Variants in SPG7 observed in about 807,000 individuals in gnomAD.
SPG7 encodes mitochondrial inner membrane m-AAA protease component paraplegin.
Under a neutral mutation model 81.9 loss-of-function variants are expected in SPG7, and 103 were observed. The observed-to-expected ratio is 1.26, with a 90% CI of 1.07 to 1.48. SPG7 has a LOEUF of 1.48. SPG7 is among the 40% of genes most tolerant of loss of function. SPG7 has a pLI of 0.00. For missense variants in SPG7, 1,241 were observed against 1,087.3 expected, an observed-to-expected ratio of 1.14 and a Z score of -1.99; for synonymous variants, 534 against 444.2, an observed-to-expected ratio of 1.20 and a Z score of -2.54.
chr16:89,512,133 G>C (rs1048822744), intron 2 of SPG7, among the ~76,000 whole-genome samples: 2 of 152,094 alleles, frequency 1.3e-5, no homozygotes, highest in African/African-American at 4.8e-5. Flanking sequence ...GGATGGTCTC[G>C]ATCTCCTGAC....
At chr16:89,532,292 C>T (rs984817830) in intron 8 of SPG7, among the ~76,000 whole-genome samples, 171 bp from the exon 9 acceptor site, 4 of 152,216 alleles carry the variant, frequency 2.6e-5, no homozygotes, top group South Asian at 2.1e-4. Flanking sequence ...GCGTGTGAAC[C>T]CTGAGGGGTG....
In SPG7 at chr16:89,557,362, TC is replaced by T; in HGVS notation, c.*272del. 2.0e-6 allele frequency: 1 copy of T among 503,002 alleles called. No individual in the cohort carries two copies. The highest frequency in any genetic ancestry group is 3.6e-6 in the Non-Finnish European group (1 of 275,984). 31.2% of individuals were successfully genotyped at this position (503,002 alleles called of 1,614,324 possible). ...CGAGTGAGCATGGAACACTTCGAGT[TC>T]CCAGGGTTATAGACAGTCGTTCCCA... On this transcript the variant is annotated 3_prime_UTR_variant, in exon 17 of 17. Transcript: ENST00000645818.
chr16:89,508,517 C>G lies in SPG7; in HGVS notation c.100C>G (p.Pro34Ala). Residue 34 changes from proline to alanine, a missense_variant, in exon 1 of 17, where the codon CCC becomes GCC. Physicochemically the swap from Pro to Ala is conservative, Grantham distance 27. Transcript: ENST00000645818. ...GPGPAWSPGF[P>A]ARPGRGRPYM... is the part of the protein sequence containing the mutation. ...AGGCCCGGCCTGGAGTCCAGGGTTC[C>G]CCGCCAGGCCCGGGAGGGGGCGGCC... 6.6e-7 allele frequency: 1 copy of G among 1,514,354 alleles called. No homozygotes were observed. The highest frequency in any genetic ancestry group is 8.8e-7 in the Non-Finnish European group (1 of 1,137,064). 93.8% of individuals were successfully genotyped at this position (1,514,354 alleles called of 1,614,324 possible).
intron 15 of SPG7, 33 bp downstream of exon 15, chr16:89,553,993 G>A: frequency 6.2e-7 from 1 of 1,606,172 alleles, no homozygotes; most frequent in Non-Finnish European, 8.5e-7. Flanking sequence ...GCTGCCCTCT[G>A]TGCTCCCCGG....
intron 9 of SPG7, 102 bp downstream of exon 9, chr16:89,532,738 C>T: frequency 7.1e-7 from 1 of 1,404,794 alleles, no homozygotes; most frequent in Non-Finnish European, 9.9e-7. Context: ...TCACTGCACT[C>T]CGGCCTGGGT....
In SPG7 at chr16:89,546,712, A is replaced by G; in HGVS notation, c.1504A>G (p.Ser502Gly). 1.2e-6 allele frequency: 2 copies of G among 1,613,876 alleles called. No individual in the cohort carries two copies. The highest frequency in any genetic ancestry group is 2.2e-5 in the East Asian group (1 of 44,856). The change falls in exon 11 of 17, where the codon AGC becomes GGC. Residue 502 changes from serine to glycine, a missense_variant. By Grantham distance (56) the Ser-to-Gly change is moderately conservative. Coordinates refer to ENST00000645818, the MANE Select transcript of SPG7 (RefSeq NM_003119.4). ...HLKSLKLTQS[S>G]TFYSQRLAEL... ...GAAGAGCCTGAAGCTGACCCAGTCC[A>G]GCACCTTTTACTCCCAGCGTCTGGC...
intron 6 of SPG7, chr16:89,530,219 AC>A (rs1178467401): frequency 1.6e-5 from 5 of 315,232 alleles, no homozygotes; most frequent in African/African-American, 8.7e-5. Flanking sequence ...ATCTCAGCTC[AC>A]TGCAACCTCT....
At chr16:89,515,378 C>G (rs542014333) in intron 3 of SPG7, among the ~76,000 whole-genome samples, 126 of 151,844 alleles carry the variant, frequency 8.3e-4, no homozygotes, top group African/African-American at 2.9e-3. Context: ...AAGCGATTCT[C>G]CTGCCTCAGC....
At chr16:89,522,914 CGCCTCCTTGCAG>C (rs1387435275) in intron 3 of SPG7, 1 of 152,608 alleles carries the variant, frequency 6.6e-6, no homozygotes, top group African/African-American at 2.4e-5. Context: ...CTGCTTGCCA[CGCCTCCTTGCAG>C]GCCTCCATGA....
chr16:89,546,210 C>G, intron 10 of SPG7: 1 of 309,222 alleles, frequency 3.2e-6, no homozygotes, highest in South Asian at 2.7e-5. Flanking sequence ...CCTCAGCCTC[C>G]CGAGTAGCTG....
At chr16:89,537,020 C>T (rs1018635893) in intron 9 of SPG7, 18 of 1,610,252 alleles carry the variant, frequency 1.1e-5, no homozygotes, top group Middle Eastern at 1.7e-4. Flanking sequence ...CTTCCGCCCC[C>T]GGATTTGCTC....
chr16:89,517,118 G>T (rs1227413402), intron 3 of SPG7: 1 of 152,372 alleles, frequency 6.6e-6, no homozygotes, highest in Non-Finnish European at 1.5e-5. Flanking sequence ...TCACTCCTGT[G>T]TTGCTGAAGG....
chr16:89,530,668 G>A lies in SPG7; in HGVS notation c.862-15G>A, dbSNP rs1208489603. On this transcript the variant is annotated splice_polypyrimidine_tract_variant and intron_variant, in intron 6 of 16. Coordinates refer to ENST00000645818, the MANE Select transcript of SPG7 (RefSeq NM_003119.4). ...GACTTCGCCCAGCTCCTTGCACTTT[G>A]TTCTTTCTGCACAGAATCAGCTTAA... 4.3e-6 allele frequency: 7 copies of A among 1,613,966 alleles called. No individual in the cohort carries two copies. Among genetic ancestry groups the A allele is most frequent in the Non-Finnish European group, 2.5e-6 (3 of 1,180,022 alleles).
chr16:89,548,517 G>T (rs978085125), intron 12 of SPG7: 2 of 306,732 alleles, frequency 6.5e-6, no homozygotes, highest in Non-Finnish European at 1.3e-5. Flanking sequence ...GCCGCCCGTG[G>T]CTGTGGAGGG....
intron 9 of SPG7, among the ~76,000 whole-genome samples, chr16:89,536,476 G>A (rs1369261517): frequency 1.7e-5 from 1 of 60,408 alleles, no homozygotes; most frequent in Non-Finnish European, 3.8e-5. Flanking sequence ...GGCGGGTGAG[G>A]CGGGTGAGGT....
rs369363614 is a variant in SPG7 at position 89,553,804 on chromosome 16, C to T, written c.1947C>T (p.Asp649=). The stretch of plus-strand genomic sequence containing the variant: ...GACCCCGCCCTCCAGGGGCACAGGA[C>T]GACCTGAGGAAGGTCACCCGCATCG... ...SFNEVTSGAQ[D]DLRKVTRIAY... is the part of the protein sequence containing the mutation. The change falls in exon 15 of 17, where the codon GAC becomes GAT. Residue 649 remains aspartate, a synonymous_variant. Transcript: ENST00000645818. 6 of 1,613,446 alleles carry T rather than the reference C, an allele frequency of 3.7e-6. No homozygotes were observed. The highest frequency in any genetic ancestry group is 2.2e-5 in the South Asian group (2 of 91,084).
chr16:89,551,032 C>T (rs181792257), intron 13 of SPG7: 6 of 275,342 alleles, frequency 2.2e-5, no homozygotes, highest in South Asian at 1.9e-4. Flanking sequence ...AGTTCAAGAC[C>T]AGCCTGGCCA....
chr16:89,550,460 A>G, intron 12 of SPG7, 34 bp from the exon 13 acceptor site: 2 of 1,499,664 alleles, frequency 1.3e-6, no homozygotes, highest in African/African-American at 1.4e-5. Context: ...GGCGTGAGCC[A>G]CCGCGCCCAA....
chr16:89,553,394 G>A (rs2058656322), intron 14 of SPG7: 1 of 551,056 alleles, frequency 1.8e-6, no homozygotes, highest in South Asian at 2.0e-5. Context: ...ATGGCTACAG[G>A]AAACGGAATA....
Sources: gnomAD v4.1 joint callset for allele counts (sites outside exome capture counted in the v4.1 genomes callset) on GRCh38, gnomAD v4.1.1 for gene constraint, MANE v1.5 for transcripts, NCBI Gene and HGNC (gene_info 2026-07-23, HGNC 2026-07-21) for gene names.